LRP1B: variants seen among roughly 807,000 people sequenced by gnomAD.
LRP1B encodes LDL receptor related protein 1B.
In LRP1B, 217 loss-of-function variants were observed where a neutral mutation model predicts 556.6. That is an observed-to-expected ratio of 0.39 (90% CI 0.35 to 0.44). The LOEUF (loss-of-function observed/expected upper bound fraction) is 0.44. LRP1B is among the 20% of genes least tolerant of loss of function. The pLI is 1.00. For missense variants in LRP1B, 5,053 were observed against 5,620.8 expected (o/e 0.90, Z 3.23); for synonymous variants, 2,047 against 1,865.8 (o/e 1.10, Z -2.50).
At chr2:141,619,970 T>A (rs1347302728) in intron 2 of LRP1B, among the ~76,000 whole-genome samples, 1 of 152,214 alleles carries the variant, frequency 6.6e-6, no homozygotes, top group Non-Finnish European at 1.5e-5. Context: ...TTATTATTTT[T>A]AGAGACAAGG....
intron 2 of LRP1B, among the ~76,000 whole-genome samples, chr2:141,517,549 C>T (rs1684370631): frequency 6.6e-6 from 1 of 152,034 alleles, no homozygotes; most frequent in Non-Finnish European, 1.5e-5. Flanking sequence ...AACAGGAATC[C>T]CATCTTCTGA....
intron 35 of LRP1B, among the ~76,000 whole-genome samples, chr2:140,762,870 A>G (rs1404848242): frequency 2.0e-5 from 3 of 152,094 alleles, no homozygotes; most frequent in African/African-American, 7.2e-5. Context: ...ATTAATACAT[A>G]TTCAGTTTTC....
At chr2:140,759,302 C>G (rs1397801643) in intron 35 of LRP1B, among the ~76,000 whole-genome samples, 1 of 152,082 alleles carries the variant, frequency 6.6e-6, no homozygotes, top group Non-Finnish European at 1.5e-5. Context: ...CTCTAAAATA[C>G]TCCAACTCCA....
intron 2 of LRP1B, among the ~76,000 whole-genome samples, chr2:141,626,064 G>A (rs558685050): frequency 7.2e-4 from 109 of 152,096 alleles, no homozygotes; most frequent in African/African-American, 2.5e-3. Flanking sequence ...ACATACAGGG[G>A]TTTAAACACA....
At chr2:140,379,730 T>C (rs969775967) in intron 67 of LRP1B, among the ~76,000 whole-genome samples, 1 of 151,874 alleles carries the variant, frequency 6.6e-6, no homozygotes, top group African/African-American at 2.4e-5. Flanking sequence ...CTTCAGAACA[T>C]TGGATGGGAA....
At position 141,993,471 on chromosome 2, in the gene LRP1B, T is replaced by C. The variant is rs146193789; in HGVS notation, c.82+137177A>G. On this transcript the variant is annotated intron_variant, in intron 1 of 90. Coordinates refer to ENST00000389484, the MANE Select transcript of LRP1B (RefSeq NM_018557.3). ...TCCAATCTTCTAGCATCGGCTCCCA[T>C]TGGTAATGCCTATCAGGAAACTCGG... Among the ~76,000 whole-genome samples the C allele has an allele frequency of 4.9e-3, 745 of 152,230 alleles. 7 individuals are homozygous for C. Among genetic ancestry groups the C allele is most frequent in the African/African-American group, 0.016 (680 of 41,548 alleles).
At chr2:140,788,594 G>T (rs555587676) in intron 32 of LRP1B, among the ~76,000 whole-genome samples, 7 of 152,132 alleles carry the variant, frequency 4.6e-5, no homozygotes, top group African/African-American at 1.7e-4. Context: ...TATAACAACC[G>T]ACATTAAGAA....
At chr2:141,115,445 GGTTTTT>G (rs1256891754) in intron 7 of LRP1B, among the ~76,000 whole-genome samples, 5 of 122,456 alleles carry the variant, frequency 4.1e-5, no homozygotes, top group African/African-American at 6.1e-5. Flanking sequence ...AAAATGAATA[GGTTTTT>G]GTTTTTGTTT....
chr2:141,029,511 A>G (rs1698307460), intron 11 of LRP1B, among the ~76,000 whole-genome samples: 1 of 152,116 alleles, frequency 6.6e-6, no homozygotes, highest in African/African-American at 2.4e-5. Flanking sequence ...ACTGCTGTGT[A>G]ACTGCTAGCT....
At chr2:141,642,754 A>G (rs1689386728) in intron 2 of LRP1B, among the ~76,000 whole-genome samples, 1 of 152,146 alleles carries the variant, frequency 6.6e-6, no homozygotes, top group South Asian at 2.1e-4. Context: ...AGCCCCTTTG[A>G]ACACAAAATA....
chr2:141,955,408 G>A (rs886463477), intron 1 of LRP1B, among the ~76,000 whole-genome samples: 2 of 152,072 alleles, frequency 1.3e-5, no homozygotes, highest in Admixed American at 6.6e-5. Context: ...TTTGCAAGAT[G>A]CTTCCAGATT....
chr2:140,343,632 T>C (rs1396008648), intron 77 of LRP1B, among the ~76,000 whole-genome samples: 1 of 151,638 alleles, frequency 6.6e-6, no homozygotes, highest in Non-Finnish European at 1.5e-5. Context: ...ACAGCAGAAA[T>C]GACTTTTTAT....
intron 3 of LRP1B, among the ~76,000 whole-genome samples, chr2:141,425,410 C>T (rs1482295997): frequency 2.0e-5 from 3 of 150,004 alleles, no homozygotes; most frequent in Middle Eastern, 3.4e-3. Context: ...AGCAGCATGA[C>T]TTATATTCCT....
intron 11 of LRP1B, among the ~76,000 whole-genome samples, chr2:141,030,029 C>T (rs890721512): frequency 6.6e-6 from 1 of 152,046 alleles, no homozygotes; most frequent in African/African-American, 2.4e-5. Context: ...TGGGGTTCTA[C>T]CTTAAAAGTG....
At chr2:141,326,259 T>A (rs1482132308) in intron 3 of LRP1B, among the ~76,000 whole-genome samples, 3 of 152,146 alleles carry the variant, frequency 2.0e-5, no homozygotes, top group African/African-American at 7.2e-5. Context: ...TGTAAGTGAT[T>A]TGATAAAAGT....
At chr2:140,345,799 C>A (rs1279204942) in intron 77 of LRP1B, among the ~76,000 whole-genome samples, 1 of 136,550 alleles carries the variant, frequency 7.3e-6, no homozygotes, top group African/African-American at 2.7e-5. Flanking sequence ...CACATATATA[C>A]ATATATACAC....
At chr2:140,872,729 T>C (rs1401802097) in intron 25 of LRP1B, among the ~76,000 whole-genome samples, 1 of 152,106 alleles carries the variant, frequency 6.6e-6, no homozygotes, top group Non-Finnish European at 1.5e-5. Flanking sequence ...CCTTATGATG[T>C]AAATTTTGCT....
chr2:141,300,894 T>C (rs1686367082), intron 3 of LRP1B, among the ~76,000 whole-genome samples: 1 of 152,068 alleles, frequency 6.6e-6, no homozygotes, highest in African/African-American at 2.4e-5. Context: ...AGTCCTCAGG[T>C]GTTGAGAGAA....
intron 5 of LRP1B, 135 bp from the exon 6 acceptor site, chr2:141,229,575 CTATAAGTCATATGTA>C: frequency 1.5e-6 from 1 of 675,846 alleles, no homozygotes; most frequent in Non-Finnish European, 2.4e-6. Flanking sequence ...AAAAAACTTT[CTATAAGTCATATGTA>C]TACTTCACTG....
Sources: allele counts gnomAD v4.1 joint callset (sites outside exome capture counted in the v4.1 genomes callset), GRCh38; gene constraint gnomAD v4.1.1; transcripts MANE v1.5; gene names NCBI Gene and HGNC (gene_info 2026-07-23, HGNC 2026-07-21).